Variants in PRKCH observed in about 807,000 individuals in gnomAD.
The protein encoded by PRKCH is protein kinase C eta.
A neutral mutation model predicts 82.5 loss-of-function variants in PRKCH; 28 were observed. That is an observed-to-expected ratio of 0.34 (90% CI 0.25 to 0.47). The LOEUF is 0.47. Ranked by LOEUF, PRKCH falls within the 20% of genes least tolerant of loss-of-function variation. The pLI is 1.00. For synonymous variants in PRKCH, 322 were observed against 327.4 expected (o/e 0.98, Z 0.18); for missense variants, 705 against 881.8 (o/e 0.80, Z 2.54).
rs905862716 is a variant in PRKCH at position 61,281,249 on chromosome 14, C to A, written c.-19+93581C>A. The A allele has an allele frequency of 1.0e-5, 7 of 671,198 alleles. No homozygotes were observed. The African/African-American group carries it at 1.3e-4, about 13-fold the overall frequency. 41.6% of individuals were successfully genotyped at this position (671,198 alleles called of 1,614,324 possible). A position where few individuals can be genotyped will look rare whatever the true frequency, so the allele number is the denominator to read the frequency against. ...GCAAGCCCGGGGACTGCTCGCGGGT[C>A]GGGTTTCCCGCCAGCTCAGGTGGGT... On this transcript the variant is annotated intron_variant, in intron 1 of 3. Transcript: ENST00000555185.
chr14:61,212,022 C>T (rs749744547), intron 1 of PRKCH, among the ~76,000 whole-genome samples: 16 of 152,168 alleles, frequency 1.1e-4, no homozygotes, highest in Admixed American at 2.0e-4. Flanking sequence ...CTTCAAATCT[C>T]ATAATCCCTC....
At chr14:61,452,833 G>C (rs1273041785) in intron 6 of PRKCH, 1 of 224,884 alleles carries the variant, frequency 4.4e-6, no homozygotes, top group African/African-American at 2.4e-5. Flanking sequence ...TCACTGTTGA[G>C]AGACAGAAAA....
chr14:61,457,758 A>G, intron 9 of PRKCH, 79 bp downstream of exon 9: 5 of 1,543,336 alleles, frequency 3.2e-6, no homozygotes, highest in Non-Finnish European at 3.5e-6. Flanking sequence ...GAGATTTCAT[A>G]AAGTTGAGTA....
At chr14:61,243,157 G>A (rs1051332984) in intron 1 of PRKCH, among the ~76,000 whole-genome samples, 1 of 152,082 alleles carries the variant, frequency 6.6e-6, no homozygotes. Flanking sequence ...CACTTTGGGA[G>A]GTCAAGGTGG....
At chr14:61,345,074 T>C (rs2045975353) in intron 1 of PRKCH, among the ~76,000 whole-genome samples, 1 of 152,190 alleles carries the variant, frequency 6.6e-6, no homozygotes, top group African/African-American at 2.4e-5. Flanking sequence ...TTTTCTGGTA[T>C]ATTTCTTAAC....
intron 2 of PRKCH, among the ~76,000 whole-genome samples, chr14:61,414,861 A>G (rs1882472008): frequency 6.6e-6 from 1 of 152,088 alleles, no homozygotes; most frequent in South Asian, 2.1e-4. Flanking sequence ...GAATAAAAGC[A>G]TTCCCCCTCT....
chr14:61,320,514 G>A (rs375946801), upstream of PRKCH, among the ~76,000 whole-genome samples: 10 of 152,256 alleles, frequency 6.6e-5, no homozygotes, highest in South Asian at 2.1e-4. Context: ...CAGGTGAATC[G>A]CTCGAACCTG....
At chr14:61,237,115 C>T (rs1028372248) in intron 1 of PRKCH, among the ~76,000 whole-genome samples, 3 of 151,620 alleles carry the variant, frequency 2.0e-5, no homozygotes, top group East Asian at 2.0e-4. Context: ...CAGTGGCAAG[C>T]GCCTGTGGTC....
intron 9 of PRKCH, among the ~76,000 whole-genome samples, chr14:61,484,198 C>T (rs149471167): frequency 2.0e-3 from 309 of 151,780 alleles, no homozygotes; most frequent in African/African-American, 7.1e-3. Context: ...TGCTCAGAGA[C>T]GTCGCCTGAC....
chr14:61,500,174 A>G (rs1436559374), intron 10 of PRKCH, among the ~76,000 whole-genome samples: 2 of 151,320 alleles, frequency 1.3e-5, no homozygotes, highest in Admixed American at 1.3e-4. Context: ...GAGTTATGTT[A>G]TTATAGCTCA....
chr14:61,542,302 C>A (rs1360190457), intron 12 of PRKCH, among the ~76,000 whole-genome samples: 1 of 146,880 alleles, frequency 6.8e-6, no homozygotes, highest in East Asian at 2.0e-4. Context: ...CAAAAAAAAA[C>A]AAAACAAACA....
rs1239340734 is a variant in PRKCH at position 61,529,486 on chromosome 14, CAA to C, written c.1572+275_1572+276del. On this transcript the variant is annotated intron_variant, in intron 11 of 13. Transcript: ENST00000332981. ...TTTATTGCGGCATTATTCACAATAG[CAA>C]AGACTTGGAACCAACCCAAATGTCC... Among the ~76,000 whole-genome samples, 7 of 151,818 alleles carry C rather than the reference CAA, an allele frequency of 4.6e-5. No homozygotes were observed. The East Asian group carries it at 9.7e-4, about 21-fold the overall frequency.
chr14:61,337,228 C>G (rs1409711600), intron 1 of PRKCH, among the ~76,000 whole-genome samples: 3 of 148,992 alleles, frequency 2.0e-5, no homozygotes, highest in African/African-American at 7.5e-5. Context: ...ACTGCAGTCT[C>G]AACCTCCTGG....
intron 1 of PRKCH, among the ~76,000 whole-genome samples, chr14:61,287,788 G>A (rs1475091554): frequency 6.6e-6 from 1 of 151,838 alleles, no homozygotes; most frequent in African/African-American, 2.4e-5. Flanking sequence ...GGTGAGGACT[G>A]GAAGAGGGAG....
At chr14:61,449,389 CT>C (rs1884380906) in intron 5 of PRKCH, 137 bp downstream of exon 5, 1 of 682,102 alleles carries the variant, frequency 1.5e-6, no homozygotes, top group Non-Finnish European at 2.6e-6. Context: ...TTTCCTCCCC[CT>C]GCCACCTCCC....
At chr14:61,295,600 C>T (rs2045399809) in intron 1 of PRKCH, among the ~76,000 whole-genome samples, 1 of 152,198 alleles carries the variant, frequency 6.6e-6, no homozygotes. Context: ...ATGCCGAATC[C>T]AGTGCCTGGC....
intron 1 of PRKCH, among the ~76,000 whole-genome samples, chr14:61,364,509 A>T (rs1488301575): frequency 6.6e-6 from 1 of 151,762 alleles, no homozygotes; most frequent in Non-Finnish European, 1.5e-5. Flanking sequence ...AGGTGTGAGG[A>T]CGTGTGTATG....
chr14:61,330,892 T>A (rs1273487067), intron 1 of PRKCH, among the ~76,000 whole-genome samples: 1 of 152,144 alleles, frequency 6.6e-6, no homozygotes, highest in Non-Finnish European at 1.5e-5. Flanking sequence ...TGGGCCACGT[T>A]GGAAGAAGAA....
At position 61,482,119 on chromosome 14, in the gene PRKCH, C is replaced by A. The variant is rs147914332; in HGVS notation, c.1279-3383C>A. Among the ~76,000 whole-genome samples the A allele has an allele frequency of 0.019, 2,920 of 151,798 alleles. 169 individuals carry two copies. In the East Asian group the frequency reaches 0.24, roughly 13 times the overall value. On this transcript the variant is annotated intron_variant, in intron 9 of 13. Transcript: ENST00000332981. Reference sequence around the variant, plus strand: ...AAGTGATTCTCCTGCCTCAGCCTCCCAAGTAGCTGGAATTAGAGGTGCATG... The same window carrying A: ...AAGTGATTCTCCTGCCTCAGCCTCCAAAGTAGCTGGAATTAGAGGTGCATG...
Sources: gnomAD v4.1 joint callset for allele counts (sites outside exome capture counted in the v4.1 genomes callset) on GRCh38, gnomAD v4.1.1 for gene constraint, MANE v1.5 for transcripts, NCBI Gene and HGNC (gene_info 2026-07-23, HGNC 2026-07-21) for gene names.